The following PRKG1 variants were observed in gnomAD, a reference collection of about 807,000 sequenced individuals.
PRKG1 encodes the protein cGMP-dependent protein kinase 1.
In PRKG1, 35 loss-of-function variants were observed where a neutral mutation model predicts 88.1. The observed-to-expected ratio is 0.40, with a 90% CI of 0.30 to 0.53. The LOEUF is 0.53. Among genes scored for constraint, PRKG1 ranks in the 20% least tolerant of loss-of-function variants. The pLI, the probability that PRKG1 is intolerant of heterozygous loss-of-function variation, is 0.59. For missense variants in PRKG1, 540 were observed against 839.8 expected (o/e 0.64, Z 4.41); for synonymous variants, 303 against 292.5 (o/e 1.04, Z -0.37).
intron 5 of PRKG1, among the ~76,000 whole-genome samples, chr10:52,032,729 A>G (rs1445910389): frequency 6.6e-6 from 1 of 152,166 alleles, no homozygotes; most frequent in Admixed American, 6.5e-5. Context: ...ACTTAAATGC[A>G]AATAAGTTAC....
intron 9 of PRKG1, among the ~76,000 whole-genome samples, chr10:52,213,446 G>A (rs1840033607): frequency 6.6e-6 from 1 of 152,122 alleles, no homozygotes; most frequent in Non-Finnish European, 1.5e-5. Flanking sequence ...TGAAGCTCAA[G>A]GAAAAAGTCT....
intron 3 of PRKG1, among the ~76,000 whole-genome samples, chr10:51,478,061 G>T (rs1373202866): frequency 1.3e-5 from 2 of 151,988 alleles, no homozygotes; most frequent in African/African-American, 4.8e-5. Context: ...CATCTGTGTT[G>T]TCCCATAGTC....
At chr10:51,361,859 T>A (rs1588881339) in intron 2 of PRKG1, among the ~76,000 whole-genome samples, 1 of 152,076 alleles carries the variant, frequency 6.6e-6, no homozygotes, top group East Asian at 1.9e-4. Context: ...CTAATCAATC[T>A]ATTGAAATTG....
chr10:51,324,602 G>C (rs540465796), intron 2 of PRKG1, among the ~76,000 whole-genome samples: 2 of 151,242 alleles, frequency 1.3e-5, no homozygotes, highest in African/African-American at 4.9e-5. Flanking sequence ...ATAGCCGGGC[G>C]TGGTGGCGGG....
In PRKG1 at chr10:51,800,880, G is replaced by C. The variant is rs143958024; in HGVS notation, c.593-3705G>C. ...TTATCTAAATCTGGTCTCATCCCAA[G>C]GCAACCACCCTCTGATAGCATCACA... On this transcript the variant is annotated intron_variant, in intron 3 of 17. Coordinates refer to ENST00000373980, the MANE Select transcript of PRKG1 (RefSeq NM_006258.4). 8.7e-4 allele frequency among the ~76,000 whole-genome samples: 132 copies of C among 152,104 alleles called. 2 individuals are homozygous for C. In the East Asian group the frequency reaches 0.025, roughly 29 times the overall value.
rs187871965 is a variant in PRKG1, at chr10:51,335,188, A to G, written c.479-132535A>G. ...CCACCACGCCTGGCTAATTTTTTAT[A>G]TTTTTAGTGGAGACGGGATTTCACC... On this transcript the variant is annotated intron_variant, in intron 2 of 17. Coordinates refer to ENST00000373980, the MANE Select transcript of PRKG1 (RefSeq NM_006258.4). Among the ~76,000 whole-genome samples the G allele has an allele frequency of 2.2e-3, 326 of 151,306 alleles. 3 individuals carry two copies. Among genetic ancestry groups the G allele is most frequent in the African/African-American group, 1.0e-3 (42 of 41,344 alleles).
At chr10:52,105,836 A>G (rs1039421473) in intron 7 of PRKG1, among the ~76,000 whole-genome samples, 1 of 151,422 alleles carries the variant, frequency 6.6e-6, no homozygotes, top group Non-Finnish European at 1.5e-5. Flanking sequence ...TTTTATTTCA[A>G]TAGTTTTTTG....
At chr10:51,743,480 G>T (rs1200540954) in intron 3 of PRKG1, among the ~76,000 whole-genome samples, 3 of 151,558 alleles carry the variant, frequency 2.0e-5, no homozygotes, top group Non-Finnish European at 4.4e-5. Flanking sequence ...CCAGCGACAA[G>T]GCAACTGGCA....
intron 2 of PRKG1, among the ~76,000 whole-genome samples, chr10:51,164,113 C>G (rs1400279436): frequency 6.6e-6 from 1 of 152,212 alleles, no homozygotes; most frequent in East Asian, 1.9e-4. Flanking sequence ...TCCCTGACCC[C>G]TGACCCCCGA....
chr10:52,282,295 T>C lies in PRKG1; in HGVS notation c.1688T>C (p.Met563Thr). The change falls in exon 14 of 18, where the codon ATG (methionine) becomes ACG (threonine). Residue 563 changes from methionine (M) to threonine (T), a missense_variant. Physicochemically the swap from Met to Thr is moderately conservative, Grantham distance 81. Coordinates refer to ENST00000373980, the MANE Select transcript of PRKG1 (RefSeq NM_006258.4). ...SADYWSLGIL[M>T]YELLTGSPPF... ...GACTACTGGTCACTGGGAATCCTAA[T>C]GTATGAACTCCTGACTGGCAGGTAT... 6.2e-7 allele frequency: 1 copy of C among 1,603,610 alleles called. No individual in the cohort carries two copies.
intron 7 of PRKG1, among the ~76,000 whole-genome samples, chr10:52,108,872 G>C (rs1366247284): frequency 9.8e-6 from 1 of 102,142 alleles, no homozygotes; most frequent in Non-Finnish European, 1.9e-5. Flanking sequence ...TGTCGCCCAA[G>C]TTGGAGTGCA....
intron 3 of PRKG1, among the ~76,000 whole-genome samples, chr10:51,476,725 A>G (rs1840206222): frequency 6.6e-6 from 1 of 152,012 alleles, no homozygotes; most frequent in Non-Finnish European, 1.5e-5. Context: ...CAGGAGCTCC[A>G]TCCAGTTGCC....
At chr10:52,013,040 C>G (rs531598153) in intron 5 of PRKG1, among the ~76,000 whole-genome samples, 1 of 152,170 alleles carries the variant, frequency 6.6e-6, no homozygotes, top group South Asian at 2.1e-4. Flanking sequence ...ATGTTGTAGT[C>G]TAATAAAATA....
At chr10:52,149,036 G>C (rs1385996293) in intron 8 of PRKG1, among the ~76,000 whole-genome samples, 1 of 141,732 alleles carries the variant, frequency 7.1e-6, no homozygotes, top group Non-Finnish European at 1.5e-5. Context: ...AGTCAAAAGG[G>C]AAACAACAAA....
At chr10:52,118,330 A>T (rs903314598) in intron 7 of PRKG1, among the ~76,000 whole-genome samples, 1 of 152,052 alleles carries the variant, frequency 6.6e-6, no homozygotes, top group African/African-American at 2.4e-5. Flanking sequence ...AACTCTTTAG[A>T]ATCAAATAAA....
At chr10:52,189,211 T>G (rs1839298835) in intron 9 of PRKG1, among the ~76,000 whole-genome samples, 1 of 152,194 alleles carries the variant, frequency 6.6e-6, no homozygotes, top group Non-Finnish European at 1.5e-5. Flanking sequence ...ATCGATTCTG[T>G]TACTTGTAGC....
intron 3 of PRKG1, among the ~76,000 whole-genome samples, chr10:51,733,663 GT>G (rs1252225575): frequency 6.6e-6 from 1 of 152,168 alleles, no homozygotes; most frequent in African/African-American, 2.4e-5. Context: ...CTTAAGTGAA[GT>G]TTTGGTCTTA....
At chr10:52,179,761 T>A (rs1048258224) in intron 9 of PRKG1, among the ~76,000 whole-genome samples, 7 of 152,220 alleles carry the variant, frequency 4.6e-5, no homozygotes, top group African/African-American at 1.7e-4. Context: ...CAATCTCAGC[T>A]CACTACAACC....
chr10:51,443,177 G>A (rs886068456), intron 2 of PRKG1, among the ~76,000 whole-genome samples: 7 of 151,974 alleles, frequency 4.6e-5, no homozygotes, highest in African/African-American at 7.2e-5. Flanking sequence ...TTAATGCTGG[G>A]GTTGGCAAAG....
Sources: allele counts gnomAD v4.1 joint callset (sites outside exome capture counted in the v4.1 genomes callset), GRCh38; gene constraint gnomAD v4.1.1; transcripts MANE v1.5; gene names NCBI Gene and HGNC (gene_info 2026-07-23, HGNC 2026-07-21).